PRIM2: variants seen among roughly 807,000 people sequenced by gnomAD.
The protein encoded by PRIM2 is DNA primase large subunit.
PRIM2 carries 39 observed loss-of-function variants against 67.3 expected under a neutral mutation model. The ratio of observed to expected loss-of-function variants is 0.58; its 90% CI spans 0.45 to 0.76. PRIM2 has a LOEUF of 0.76. Among genes scored for constraint, PRIM2 ranks in the 30% least tolerant of loss-of-function variants. PRIM2 has a pLI of 0.00. For synonymous variants in PRIM2, 143 were observed against 198.7 expected (o/e 0.72, Z 2.36); for missense variants, 398 against 598.7 (o/e 0.66, Z 3.50).
chr6:57,547,771 T>G lies in PRIM2; in HGVS notation c.1020+10146T>G, dbSNP rs1775317989. ...AAGGTCTATTATATGTTGTTATAATTGGGTCAAGGAACATTTAGCACTGTT... is the reference window on the plus strand; with the variant it reads ...AAGGTCTATTATATGTTGTTATAATGGGGTCAAGGAACATTTAGCACTGTT... On this transcript the variant is annotated intron_variant, in intron 10 of 13. Coordinates refer to ENST00000615550, the MANE Select transcript of PRIM2 (RefSeq NM_000947.5). 2.6e-5 allele frequency among the ~76,000 whole-genome samples: 4 copies of G among 152,222 alleles called. No homozygotes were observed. In the South Asian group the frequency reaches 8.3e-4, roughly 32 times the overall value.
At chr6:57,429,621 T>C (rs1771754454) in intron 7 of PRIM2, among the ~76,000 whole-genome samples, 1 of 152,200 alleles carries the variant, frequency 6.6e-6, no homozygotes, top group Non-Finnish European at 1.5e-5. Context: ...AGATAGGGCC[T>C]TTAAAGAGAC....
chr6:57,625,085 A>G (rs1198056825), intron 12 of PRIM2, among the ~76,000 whole-genome samples: 5 of 152,324 alleles, frequency 3.3e-5, no homozygotes, highest in African/African-American at 1.2e-4. Flanking sequence ...GGTCCCTCCC[A>G]TGACACGTGG....
chr6:57,367,883 AGT>A (rs1486982592), intron 5 of PRIM2, among the ~76,000 whole-genome samples: 7 of 152,230 alleles, frequency 4.6e-5, no homozygotes, highest in African/African-American at 1.7e-4. Context: ...TTCCTGTCAA[AGT>A]AGTCACAGGC....
At chr6:57,587,950 T>C (rs1392416758) in intron 10 of PRIM2, among the ~76,000 whole-genome samples, 6 of 152,188 alleles carry the variant, frequency 3.9e-5, no homozygotes, top group African/African-American at 1.4e-4. Context: ...TGGTTTTAAA[T>C]GATATTGGGG....
intron 7 of PRIM2, chr6:57,493,994 A>G (rs1289290819): frequency 6.6e-6 from 1 of 152,246 alleles, no homozygotes; most frequent in South Asian, 2.1e-4. Context: ...GAAAGTAGTC[A>G]GTCAACTGTA....
intron 10 of PRIM2, among the ~76,000 whole-genome samples, chr6:57,538,137 T>TCCCTGTGG (rs1463259573): frequency 6.6e-6 from 1 of 152,114 alleles, no homozygotes; most frequent in Non-Finnish European, 1.5e-5. Context: ...ACTTCATTCT[T>TCCCTGTGG]CCCAGTAGCT....
intron 5 of PRIM2, among the ~76,000 whole-genome samples, chr6:57,335,223 T>G (rs1415425811): frequency 6.6e-6 from 1 of 151,980 alleles, no homozygotes; most frequent in Non-Finnish European, 1.5e-5. Context: ...GCCCACGGAG[T>G]CTCGCTGATT....
At chr6:57,281,623 T>A in the PRIM2 span, among the ~76,000 whole-genome samples, 3 of 152,158 alleles carry the variant, frequency 2.0e-5, no homozygotes, top group African/African-American at 7.2e-5. Context: ...TGTACTTGAA[T>A]AAGAGCCTCC....
chr6:57,509,670 G>T (rs1581960846), intron 8 of PRIM2, among the ~76,000 whole-genome samples: 2 of 152,008 alleles, frequency 1.3e-5, no homozygotes, highest in Non-Finnish European at 2.9e-5. Flanking sequence ...ACCAAATGCT[G>T]TGAAGTTCCT....
At chr6:57,419,196 G>A (rs867248980) in intron 7 of PRIM2, among the ~76,000 whole-genome samples, 2 of 151,958 alleles carry the variant, frequency 1.3e-5, no homozygotes, top group African/African-American at 2.4e-5. Flanking sequence ...TAGGAGGGAG[G>A]GACGAGTGTG....
chr6:57,496,520 T>C (rs1774008054), intron 7 of PRIM2, among the ~76,000 whole-genome samples: 2 of 152,220 alleles, frequency 1.3e-5, no homozygotes, highest in Non-Finnish European at 2.9e-5. Flanking sequence ...TGTGCGTATT[T>C]AGGAATTTCT....
intron 10 of PRIM2, among the ~76,000 whole-genome samples, chr6:57,579,338 C>T (rs1269020789): frequency 3.9e-5 from 6 of 152,138 alleles, no homozygotes; most frequent in Admixed American, 1.3e-4. Context: ...CAGGAACAGT[C>T]TGGCTTGTCA....
At chr6:57,287,724 G>T in the PRIM2 span, among the ~76,000 whole-genome samples, 1 of 151,746 alleles carries the variant, frequency 6.6e-6, no homozygotes, top group African/African-American at 2.4e-5. Context: ...CTGTATACCT[G>T]TGTAACAAAG....
intron 12 of PRIM2, among the ~76,000 whole-genome samples, chr6:57,621,226 T>C (rs1252802100): frequency 6.6e-6 from 1 of 152,232 alleles, no homozygotes; most frequent in Non-Finnish European, 1.5e-5. Context: ...ATGAAGACTT[T>C]CTTGTTCAGT....
At chr6:57,354,991 C>T (rs997593460) in intron 5 of PRIM2, among the ~76,000 whole-genome samples, 4 of 152,258 alleles carry the variant, frequency 2.6e-5, no homozygotes, top group Non-Finnish European at 5.9e-5. Flanking sequence ...TGTGCATTCA[C>T]ACCATGCATA....
At chr6:57,619,481 G>C (rs1437757127) in intron 12 of PRIM2, among the ~76,000 whole-genome samples, 3 of 152,158 alleles carry the variant, frequency 2.0e-5, no homozygotes, top group Non-Finnish European at 2.9e-5. Flanking sequence ...GGAGAACCAG[G>C]GAAAGGCAAA....
chr6:57,541,901 C>G (rs1243972155), intron 10 of PRIM2, among the ~76,000 whole-genome samples: 5 of 152,060 alleles, frequency 3.3e-5, no homozygotes, highest in Admixed American at 6.5e-5. Flanking sequence ...TCAGACACCC[C>G]CACTGTAATG....
rs2127337490 is a variant in PRIM2 at position 57,382,027 on chromosome 6, T to G, written c.556-4T>G. The G allele has an allele frequency of 3.1e-6, 5 of 1,607,124 alleles. No individual in the cohort carries two copies. Among genetic ancestry groups the G allele is most frequent in the Non-Finnish European group, 4.3e-6 (5 of 1,176,072 alleles). On this transcript the variant is annotated splice_region_variant and splice_polypyrimidine_tract_variant and intron_variant, in intron 6 of 13. Coordinates refer to ENST00000615550, the MANE Select transcript of PRIM2 (RefSeq NM_000947.5). ...TTATTTTGCCTGTTTTACTCTTAAT[T>G]CAGATCCCTTTTGCTGATGCTCTGG...
At chr6:57,483,657 G>T (rs1299723175) in intron 7 of PRIM2, among the ~76,000 whole-genome samples, 3 of 151,726 alleles carry the variant, frequency 2.0e-5, no homozygotes, top group Admixed American at 1.3e-4. Flanking sequence ...TGCAGGCCTG[G>T]GGAGCAAAAG....
Sources: allele counts gnomAD v4.1 joint callset (sites outside exome capture counted in the v4.1 genomes callset), GRCh38; gene constraint gnomAD v4.1.1; transcripts MANE v1.5; gene names NCBI Gene and HGNC (gene_info 2026-07-23, HGNC 2026-07-21).